Variants in ADAM11 observed in about 807,000 individuals in gnomAD.
ADAM11 encodes disintegrin and metalloproteinase domain-containing protein 11.
In ADAM11, 49 loss-of-function variants were observed where a neutral mutation model predicts 119.1. The observed-to-expected ratio is 0.41, with a 90% confidence interval of 0.33 to 0.52. ADAM11 has a LOEUF of 0.52. Among genes scored for constraint, ADAM11 ranks in the 20% least tolerant of loss-of-function variants. The pLI is 0.20. For synonymous variants in ADAM11, 364 were observed against 408.0 expected (o/e 0.89, Z 1.30); for missense variants, 777 against 1,047.5 (o/e 0.74, Z 3.56).
intron 2 of ADAM11, among the ~76,000 whole-genome samples, chr17:44,767,757 G>A (rs895837843): frequency 1.3e-5 from 2 of 152,266 alleles, no homozygotes; most frequent in South Asian, 4.1e-4. Context: ...TGAGAGCTCA[G>A]CAGGTGGCAG....
In ADAM11 at chr17:44,773,152, G is replaced by A; in HGVS notation, c.825+67G>A. On this transcript the variant is annotated intron_variant, in intron 10 of 26. Coordinates refer to ENST00000200557, the MANE Select transcript of ADAM11 (RefSeq NM_002390.6). The surrounding 1 kb of genome is among the most constrained non-coding windows in gnomAD (Gnocchi z 4.6). The stretch of plus-strand genomic sequence containing the variant: ...CCCCACCCCACCACACACATTAGGG[G>A]GCACTGTCAGCCCCTGGCTCCCACT... The A allele has an allele frequency of 6.3e-7, 1 of 1,595,896 alleles. No individual in the cohort carries two copies. The highest frequency in any genetic ancestry group is 2.2e-5 in the East Asian group (1 of 44,700).
At chr17:44,759,480 C>T (rs2049362339) in intron 1 of ADAM11, 1 of 1,248,318 alleles carries the variant, frequency 8.0e-7, no homozygotes, top group Non-Finnish European at 1.0e-6. Flanking sequence ...GACCGGCCAG[C>T]TCTGCAGGTC....
intron 4 of ADAM11, 65 bp from the exon 5 acceptor site, chr17:44,771,519 C>A (rs1013821671): frequency 4.6e-6 from 7 of 1,524,290 alleles, no homozygotes; most frequent in Non-Finnish European, 6.3e-6. Context: ...CCCCAAAAAG[C>A]CTTGAGGCCC....
chr17:44,762,641 G>A (rs2049403066), intron 2 of ADAM11, among the ~76,000 whole-genome samples: 2 of 152,316 alleles, frequency 1.3e-5, no homozygotes, highest in South Asian at 2.1e-4. Context: ...CTGGGGCGCT[G>A]AGCTGCTGTG....
In ADAM11 at chr17:44,777,658, A is replaced by C. The variant is rs765601433; in HGVS notation, c.1902-37A>C. The C allele has an allele frequency of 7.4e-6, 12 of 1,613,348 alleles. No individual in the cohort carries two copies. Among genetic ancestry groups the C allele is most frequent in the Middle Eastern group, 1.6e-4 (1 of 6,082 alleles). ...GGTTGCAGCTGTGCTGGGGGTTAGG[A>C]GACAGGGGGCTGAGGCTGGCTGTGT... On this transcript the variant is annotated intron_variant, in intron 22 of 26. Coordinates refer to ENST00000200557, the MANE Select transcript of ADAM11 (RefSeq NM_002390.6). The surrounding 1 kb of genome is among the most constrained non-coding windows in gnomAD (Gnocchi z 5.1).
intron 4 of ADAM11, among the ~76,000 whole-genome samples, chr17:44,770,500 GCCC>G (rs796255103): frequency 4.8e-4 from 10 of 20,898 alleles, no homozygotes; most frequent in Admixed American, 9.9e-4. Flanking sequence ...CCCCCCCCCC[GCCC>G]CCACTGCCTG....
Position 44,776,821 on chromosome 17 carries a change from G to A in ADAM11, c.1617+26G>A. On this transcript the variant is annotated intron_variant, in intron 19 of 26. Transcript: ENST00000200557. This position sits in a 1 kb window ranked among gnomAD's most constrained non-coding sequence, Gnocchi z 5.2. ...GTATGATGGCTGCCCCCTGAGCCTG[G>A]GATTCAGGGCAGTCTCTTGTCTCCA... 1 of 1,613,990 alleles carries A rather than the reference G, an allele frequency of 6.2e-7. No individual in the cohort carries two copies. The highest frequency in any genetic ancestry group is 8.5e-7 in the Non-Finnish European group (1 of 1,179,896).
Position 44,777,333 on chromosome 17 carries a change from C to T in ADAM11, c.1781+68C>T, listed in dbSNP as rs2049617860. The stretch of plus-strand genomic sequence containing the variant: ...GGTGTGAGACTTTTCAGAGATGGGG[C>T]AGCAGGTTCTCCCAGGAGGAGCCTG... On this transcript the variant is annotated intron_variant, in intron 21 of 26. Transcript: ENST00000200557. The surrounding 1 kb of genome is among the most constrained non-coding windows in gnomAD (Gnocchi z 5.1). The T allele has an allele frequency of 3.2e-6, 5 of 1,544,326 alleles. No individual in the cohort carries two copies. In the Admixed American group the frequency reaches 8.8e-5, roughly 27 times the overall value.
At chr17:44,771,250 A>T (rs1164839898) in intron 4 of ADAM11, among the ~76,000 whole-genome samples, 1 of 151,832 alleles carries the variant, frequency 6.6e-6, no homozygotes, top group African/African-American at 2.4e-5. Context: ...CAGTGAGCCA[A>T]GATCACACCA....
At chr17:44,759,292 CT>C in intron 1 of ADAM11, 32 bp downstream of exon 1, 1 of 1,367,672 alleles carries the variant, frequency 7.3e-7, no homozygotes. Flanking sequence ...CCGGCGCCCC[CT>C]CCCTGCCCCC....
rs925169314 is a variant in ADAM11, at chr17:44,772,764, A to AC, written c.679-86dup. 31 of 1,148,268 alleles carry AC rather than the reference A, an allele frequency of 2.7e-5. No individual in the cohort carries two copies. Among genetic ancestry groups the AC allele is most frequent in the African/African-American group, 2.0e-4 (13 of 65,900 alleles). 71.1% of individuals were successfully genotyped at this position (1,148,268 alleles called of 1,614,324 possible). On this transcript the variant is annotated intron_variant, in intron 8 of 26. Transcript: ENST00000200557. This position sits in a 1 kb window ranked among gnomAD's most constrained non-coding sequence, Gnocchi z 4.5. ...GGCACTGTCCCTGGCTGGAGTCCAGACCCCCCCATCCCCACCGAGTCTGTT... is the reference window on the plus strand; with the variant it reads ...GGCACTGTCCCTGGCTGGAGTCCAGACCCCCCCCATCCCCACCGAGTCTGTT...
chr17:44,775,360 C>T lies in ADAM11; in HGVS notation c.1321-34C>T. The stretch of plus-strand genomic sequence containing the variant: ...ATGGGAGCGGGCCCTGGGCGGGGTC[C>T]GGGCCAGACTCCCGACCTGTCCTCC... On this transcript the variant is annotated intron_variant, in intron 15 of 26. Transcript: ENST00000200557. This position sits in a 1 kb window ranked among gnomAD's most constrained non-coding sequence, Gnocchi z 7.5. 2 of 1,612,794 alleles carry T rather than the reference C, an allele frequency of 1.2e-6. No homozygotes were observed. The highest frequency in any genetic ancestry group is 1.7e-6 in the Non-Finnish European group (2 of 1,179,658).
chr17:44,775,523 A>T lies in ADAM11; in HGVS notation c.1392+58A>T, dbSNP rs961210161. ...CGGGATGCGGGGGTGGGCACGAGGG[A>T]GCGTCTGAGTGGGAGGATTAGGGCT... On this transcript the variant is annotated intron_variant, in intron 16 of 26. Transcript: ENST00000200557. The surrounding 1 kb of genome is among the most constrained non-coding windows in gnomAD (Gnocchi z 7.5). 6 of 1,572,136 alleles carry T rather than the reference A, an allele frequency of 3.8e-6. No homozygotes were observed. In the Admixed American group the frequency reaches 1.1e-4, roughly 29 times the overall value.
chr17:44,772,289 AC>A lies in ADAM11; in HGVS notation c.568del (p.Arg190GlyfsTer32). The stretch of plus-strand genomic sequence containing the variant: ...CAGGGACCCCTTCCCCACCTCATTT[AC>A]CGGACCCCTCTCCTCCCAGATCCCC... ...APQGPLPHLI[Y>X]RTPLLPDPLG... On this transcript the variant is annotated frameshift_variant, in exon 7 of 27. Coordinates refer to ENST00000200557, the MANE Select transcript of ADAM11 (RefSeq NM_002390.6). LOFTEE classifies it high-confidence loss of function. This position sits in a 1 kb window ranked among gnomAD's most constrained non-coding sequence, Gnocchi z 4.5. 7.2e-7 allele frequency: 1 copy of A among 1,388,722 alleles called. No homozygotes were observed. The allele number at this position is 1,388,722 out of a possible 1,614,324, so 86.0% of individuals were successfully genotyped here.
chr17:44,775,294 T>C lies in ADAM11; in HGVS notation c.1303T>C (p.Phe435Leu). ...GCAGGAGGGTGGTGGCAGCTGCCTC[T>C]TCAACAAGCCCCTCAAGGTACCAGC... ...FLQEGGGSCL[F>L]NKPLKLLDPP... The change falls in exon 15 of 27, where the codon TTC (phenylalanine) becomes CTC (leucine). Residue 435 changes from phenylalanine to leucine, a missense_variant. Phe to Leu is a conservative substitution (Grantham distance 22). Coordinates refer to ENST00000200557, the MANE Select transcript of ADAM11 (RefSeq NM_002390.6). This position sits in a 1 kb window ranked among gnomAD's most constrained non-coding sequence, Gnocchi z 7.5. 1 of 1,613,814 alleles carries C rather than the reference T, an allele frequency of 6.2e-7. No individual in the cohort carries two copies. Among genetic ancestry groups the C allele is most frequent in the South Asian group, 1.1e-5 (1 of 91,082 alleles).
At chr17:44,768,323 C>G (rs1173870205) in intron 2 of ADAM11, among the ~76,000 whole-genome samples, 1 of 152,180 alleles carries the variant, frequency 6.6e-6, no homozygotes, top group African/African-American at 2.4e-5. Context: ...CTTGGTCAGC[C>G]TGGAATAGGG....
intron 13 of ADAM11, 39 bp from the exon 14 acceptor site, chr17:44,774,659 T>C (rs376115940): frequency 5.8e-5 from 93 of 1,593,268 alleles, no homozygotes; most frequent in Non-Finnish European, 7.9e-5. Flanking sequence ...GGAGGGGTGG[T>C]CCTTGGCCTC....
chr17:44,775,566 T>G lies in ADAM11; in HGVS notation c.1393-18T>G. Reference sequence around the variant, plus strand: ...TTAGGGCTCGCCCGCCTCCTTCCCCTCCTCCCGCGTCCCTCAGGAGTGCAG... The same window carrying G: ...TTAGGGCTCGCCCGCCTCCTTCCCCGCCTCCCGCGTCCCTCAGGAGTGCAG... On this transcript the variant is annotated intron_variant, in intron 16 of 26. Coordinates refer to ENST00000200557, the MANE Select transcript of ADAM11 (RefSeq NM_002390.6). The surrounding 1 kb of genome is among the most constrained non-coding windows in gnomAD (Gnocchi z 7.5). The G allele has an allele frequency of 1.9e-6, 3 of 1,561,320 alleles. No homozygotes were observed.
At position 44,779,891 on chromosome 17, in the gene ADAM11, G is replaced by C; in HGVS notation, c.*137G>C. 3 of 1,273,482 alleles carry C rather than the reference G, an allele frequency of 2.4e-6. No individual in the cohort carries two copies. The highest frequency in any genetic ancestry group is 3.3e-6 in the Non-Finnish European group (3 of 899,644). The allele number at this position is 1,273,482 out of a possible 1,614,324, so 78.9% of individuals were successfully genotyped here. A position where few individuals can be genotyped will look rare whatever the true frequency, so the allele number is the denominator to read the frequency against. On this transcript the variant is annotated 3_prime_UTR_variant, in exon 27 of 27. Coordinates refer to ENST00000200557, the MANE Select transcript of ADAM11 (RefSeq NM_002390.6). The stretch of plus-strand genomic sequence containing the variant: ...ACCCTTCAACTCCTGGCTCCGCAGG[G>C]GTTTGGGTGGGGGCTGTGGCCCTGC...
Sources: gnomAD v4.1 joint callset for allele counts (sites outside exome capture counted in the v4.1 genomes callset) on GRCh38, gnomAD v4.1.1 for gene constraint, Gnocchi (gnomAD v3.1) non-coding constraint, MANE v1.5 for transcripts, NCBI Gene and HGNC (gene_info 2026-07-23, HGNC 2026-07-21) for gene names.